Variants in CEP128 observed in about 807,000 individuals in gnomAD.
CEP128 encodes centrosomal protein 128kDa.
A neutral mutation model predicts 156.7 loss-of-function variants in CEP128; 132 were observed. The ratio of observed to expected loss-of-function variants is 0.84; its 90% CI spans 0.73 to 0.97. The LOEUF is 0.97. Among genes scored for constraint, CEP128 ranks in the 50% least tolerant of loss-of-function variants. CEP128 has a pLI of 0.00. For missense variants in CEP128, 1,252 were observed against 1,281.9 expected, an observed-to-expected ratio of 0.98 and a Z score of 0.36; for synonymous variants, 469 against 448.9, an observed-to-expected ratio of 1.04 and a Z score of -0.57.
intron 23 of CEP128, among the ~76,000 whole-genome samples, chr14:80,507,122 C>G (rs1262428781): frequency 6.6e-6 from 1 of 151,756 alleles, no homozygotes; most frequent in African/African-American, 2.4e-5. Flanking sequence ...TCCCCAAAGC[C>G]AAGCAGATGC....
chr14:80,835,418 T>C (rs1886023768), intron 12 of CEP128, among the ~76,000 whole-genome samples: 1 of 152,116 alleles, frequency 6.6e-6, no homozygotes, highest in Non-Finnish European at 1.5e-5. Context: ...CATATGGAGG[T>C]GTATTTGGAA....
At chr14:80,628,806 T>C (rs1893841242) in intron 19 of CEP128, among the ~76,000 whole-genome samples, 1 of 151,126 alleles carries the variant, frequency 6.6e-6, no homozygotes, top group Admixed American at 6.6e-5. Flanking sequence ...CTAGCTAAGA[T>C]AGTAGGATGT....
chr14:80,757,295 T>C (rs1417132774), intron 17 of CEP128, among the ~76,000 whole-genome samples: 4 of 152,212 alleles, frequency 2.6e-5, no homozygotes, highest in Non-Finnish European at 5.9e-5. Flanking sequence ...TTGTTTCCTC[T>C]CCTCAGTCGT....
chr14:80,830,139 G>A lies in CEP128; in HGVS notation c.1209+1004C>T, dbSNP rs1885707908. 5.0e-5 allele frequency: 24 copies of A among 475,594 alleles called. No individual in the cohort carries two copies. In the South Asian group the frequency reaches 8.8e-4, roughly 17 times the overall value. 29.5% of individuals were successfully genotyped at this position (475,594 alleles called of 1,614,324 possible). A position where few individuals can be genotyped will look rare whatever the true frequency, so the allele number is the denominator to read the frequency against. ...AATACCCATGAAGCAAACTTTAAAA[G>A]TTGTATAATTACCATTGCTCTGAGA... On this transcript the variant is annotated intron_variant, in intron 13 of 24. Coordinates refer to ENST00000555265, the MANE Select transcript of CEP128 (RefSeq NM_152446.5).
intron 21 of CEP128, among the ~76,000 whole-genome samples, chr14:80,545,768 C>A (rs767951247): frequency 6.6e-6 from 1 of 152,086 alleles, no homozygotes; most frequent in Non-Finnish European, 1.5e-5. Context: ...AGGACAAAAT[C>A]CAGGAAAGCA....
At chr14:80,618,763 C>T (rs1893337904) in intron 19 of CEP128, among the ~76,000 whole-genome samples, 1 of 152,130 alleles carries the variant, frequency 6.6e-6, no homozygotes, top group Non-Finnish European at 1.5e-5. Flanking sequence ...GCTATAGTAC[C>T]CAAACTTTAG....
rs1387231898 is a variant in CEP128, at chr14:80,895,719, A to G, written c.644T>C (p.Val215Ala). ...EKLNEAQKQE[V>A]VSDRVERRLQ... ...TTTTTATTAAAAAAGAGATCTCACC[A>G]CTTCTTGTTTCTGGGCTTCATTAAG... Residue 215 changes from valine (V) to alanine (A), a missense_variant and splice_region_variant, in exon 8 of 25, where the codon GTG becomes GCG. Val to Ala is a moderately conservative substitution (Grantham distance 64, BLOSUM62 0). Transcript: ENST00000555265. 2 of 1,557,688 alleles carry G rather than the reference A, an allele frequency of 1.3e-6. No homozygotes were observed. Among genetic ancestry groups the G allele is most frequent in the Non-Finnish European group, 1.7e-6 (2 of 1,151,356 alleles).
At chr14:80,708,638 CCA>C (rs1897301786) in intron 19 of CEP128, among the ~76,000 whole-genome samples, 1 of 151,966 alleles carries the variant, frequency 6.6e-6, no homozygotes, top group Non-Finnish European at 1.5e-5. Flanking sequence ...AAATGTTTTG[CCA>C]TTTTAAAAAA....
At chr14:80,593,283 A>T (rs1404892381) in intron 19 of CEP128, among the ~76,000 whole-genome samples, 1 of 152,114 alleles carries the variant, frequency 6.6e-6, no homozygotes, top group East Asian at 1.9e-4. Context: ...GAGGTGGCTC[A>T]CACCTGTAAT....
At chr14:80,824,610 A>G (rs1885368895) in intron 13 of CEP128, among the ~76,000 whole-genome samples, 1 of 152,220 alleles carries the variant, frequency 6.6e-6, no homozygotes, top group African/African-American at 2.4e-5. Context: ...CTCTTTGCTA[A>G]AACTTAACAA....
intron 2 of CEP128, 66 bp downstream of exon 2, chr14:80,939,319 G>A (rs1414078110): frequency 6.8e-6 from 1 of 146,850 alleles, no homozygotes; most frequent in East Asian, 2.0e-4. Flanking sequence ...TCTTGGCATA[G>A]TCTTTTCTAC....
intron 12 of CEP128, among the ~76,000 whole-genome samples, chr14:80,835,901 G>A (rs886989638): frequency 3.9e-5 from 6 of 152,118 alleles, no homozygotes; most frequent in Non-Finnish European, 7.4e-5. Context: ...ACATATGCAC[G>A]TATATTTGGG....
intron 2 of CEP128, 78 bp from the exon 3 acceptor site, chr14:80,916,640 T>C (rs950807119): frequency 5.2e-5 from 60 of 1,147,978 alleles, no homozygotes; most frequent in Non-Finnish European, 7.2e-5. Flanking sequence ...CAGTTTACTT[T>C]TGATCTCTTT....
At chr14:80,548,529 G>A (rs1890082280) in intron 21 of CEP128, among the ~76,000 whole-genome samples, 1 of 152,076 alleles carries the variant, frequency 6.6e-6, no homozygotes, top group Non-Finnish European at 1.5e-5. Flanking sequence ...ACCCAGATAG[G>A]CTCTCTTAAA....
At chr14:80,656,346 T>TAAA (rs56063705) in intron 19 of CEP128, among the ~76,000 whole-genome samples, 19,874 of 70,908 alleles carry the variant, frequency 0.28, 4,877 homozygotes, top group South Asian at 0.37. Flanking sequence ...TATATAGCAA[T>TAAA]AAAAAAAAAA....
At chr14:80,519,666 A>G (rs1888646556) in intron 23 of CEP128, among the ~76,000 whole-genome samples, 1 of 152,162 alleles carries the variant, frequency 6.6e-6, no homozygotes, top group East Asian at 1.9e-4. Context: ...ATCTGGGCAG[A>G]TGTTTTACTT....
At chr14:80,741,941 C>A (rs1898852678) in intron 19 of CEP128, among the ~76,000 whole-genome samples, 2 of 152,036 alleles carry the variant, frequency 1.3e-5, no homozygotes, top group Non-Finnish European at 1.5e-5. Flanking sequence ...GGAAATCTTG[C>A]TTTGTTTTTA....
intron 8 of CEP128, among the ~76,000 whole-genome samples, chr14:80,865,467 T>G (rs1194056395): frequency 6.6e-6 from 1 of 152,140 alleles, no homozygotes; most frequent in Non-Finnish European, 1.5e-5. Context: ...GACTGCTGGA[T>G]TATTTGGTAG....
intron 4 of CEP128, 137 bp downstream of exon 4, chr14:80,914,185 C>T (rs1884413101): frequency 6.8e-6 from 4 of 587,242 alleles, no homozygotes; most frequent in Non-Finnish European, 1.2e-5. Flanking sequence ...TAAACTTAAA[C>T]TATAAAATAA....
Sources: allele counts gnomAD v4.1 joint callset (sites outside exome capture counted in the v4.1 genomes callset), GRCh38; gene constraint gnomAD v4.1.1; transcripts MANE v1.5; gene names NCBI Gene and HGNC (gene_info 2026-07-23, HGNC 2026-07-21).